CADM1: variants seen among roughly 807,000 people sequenced by gnomAD.
The protein encoded by CADM1 is TSLC-1.
In CADM1, 15 loss-of-function variants were observed where a neutral mutation model predicts 53.1. The ratio of observed to expected loss-of-function variants is 0.28; its 90% CI spans 0.19 to 0.44. The LOEUF (loss-of-function observed/expected upper bound fraction) is 0.44. Ranked by LOEUF, CADM1 falls within the 20% of genes least tolerant of loss-of-function variation. CADM1 has a pLI of 1.00. For missense variants in CADM1, 434 were observed against 611.3 expected, an observed-to-expected ratio of 0.71 and a Z score of 3.06; for synonymous variants, 281 against 243.0, an observed-to-expected ratio of 1.16 and a Z score of -1.45.
rs1313523993 is a variant in CADM1 at position 115,391,198 on chromosome 11, A to C, written c.124+113073T>G. Among the ~76,000 whole-genome samples, 5 of 152,372 alleles carry C rather than the reference A, an allele frequency of 3.3e-5. No homozygotes were observed. In the East Asian group the frequency reaches 9.6e-4, roughly 29 times the overall value. On this transcript the variant is annotated intron_variant, in intron 1 of 11. Transcript: ENST00000331581. ...ATAAAAAAAATGAGTACAATTAGAC[A>C]TACAATTTAAAGAATTCATCAATTT...
chr11:115,209,670 A>T lies in CADM1; in HGVS notation c.995-13T>A. 6.2e-7 allele frequency: 1 copy of T among 1,612,538 alleles called. No individual in the cohort carries two copies. The highest frequency in any genetic ancestry group is 8.5e-7 in the Non-Finnish European group (1 of 1,179,566). On this transcript the variant is annotated splice_polypyrimidine_tract_variant and intron_variant, in intron 7 of 11. Coordinates refer to ENST00000331581, the MANE Select transcript of CADM1 (RefSeq NM_001301043.2). ...GTTGTGGGGGGATCTGGATAGAAAA[A>T]AAAAGGAAAATCAAACCCACAATGC... is the stretch of plus-strand genomic sequence containing the variant.
chr11:115,339,029 A>C (rs4936329), intron 1 of CADM1, among the ~76,000 whole-genome samples: 1 of 125,914 alleles, frequency 7.9e-6, no homozygotes, highest in South Asian at 2.9e-4. Flanking sequence ...ATATCTCCCA[A>C]TGCTATCCCT....
At chr11:115,497,613 G>A (rs949836979) in intron 1 of CADM1, among the ~76,000 whole-genome samples, 1 of 152,184 alleles carries the variant, frequency 6.6e-6, no homozygotes, top group Non-Finnish European at 1.5e-5. Context: ...GCTAGAGCCT[G>A]CAATTTAAAT....
chr11:115,500,325 T>C (rs1193288062), intron 1 of CADM1, among the ~76,000 whole-genome samples: 3 of 152,176 alleles, frequency 2.0e-5, no homozygotes, highest in Non-Finnish European at 1.5e-5. Flanking sequence ...CACAAAATCA[T>C]TTCTAAAATG....
At chr11:115,328,656 C>T (rs374701731) in intron 1 of CADM1, among the ~76,000 whole-genome samples, 5 of 86,904 alleles carry the variant, frequency 5.8e-5, no homozygotes, top group African/African-American at 8.2e-5. Context: ...TATATATATA[C>T]ACACGCACAC....
chr11:115,304,386 G>A lies in CADM1; in HGVS notation c.125-63966C>T, dbSNP rs566054234. ...TTTACATTCCTTGCAGCAGCTCCCCGTTATGAATTAAATCCATCATGGTCT... is the reference window on the plus strand; with the variant it reads ...TTTACATTCCTTGCAGCAGCTCCCCATTATGAATTAAATCCATCATGGTCT... On this transcript the variant is annotated intron_variant, in intron 1 of 11. Coordinates refer to ENST00000331581, the MANE Select transcript of CADM1 (RefSeq NM_001301043.2). 5.9e-5 allele frequency among the ~76,000 whole-genome samples: 9 copies of A among 152,062 alleles called. No homozygotes were observed. In the South Asian group the frequency reaches 6.2e-4, roughly 10 times the overall value.
rs962938580 is a variant in CADM1, at chr11:115,175,837, A to G, written c.*637T>C. Reference sequence around the variant, plus strand: ...AGTCTTCACTGCTCTAAGTATTTGAAACATGGGCAGCAGCAAAGAGTTTTC... The same window carrying G: ...AGTCTTCACTGCTCTAAGTATTTGAGACATGGGCAGCAGCAAAGAGTTTTC... On this transcript the variant is annotated 3_prime_UTR_variant, in exon 12 of 12. Coordinates refer to ENST00000331581, the MANE Select transcript of CADM1 (RefSeq NM_001301043.2). 7.5e-5 allele frequency: 75 copies of G among 995,316 alleles called. No homozygotes were observed. Among genetic ancestry groups the G allele is most frequent in the Non-Finnish European group, 8.9e-5 (74 of 835,964 alleles). The allele number at this position is 995,316 out of a possible 1,614,324, so 61.7% of individuals were successfully genotyped here.
chr11:115,178,763 C>T lies in CADM1; in HGVS notation c.1178G>A (p.Gly393Asp), dbSNP rs138940776. 8 of 1,613,946 alleles carry T rather than the reference C, an allele frequency of 5.0e-6. No homozygotes were observed. Among genetic ancestry groups the T allele is most frequent in the Non-Finnish European group, 6.8e-6 (8 of 1,180,018 alleles). Reference sequence around the variant, plus strand: ...CACTGCCCTGATCGAGCCTTCTTCACCTGCTCGGGAATCTGTTAAAATCAG... The same window carrying T: ...CACTGCCCTGATCGAGCCTTCTTCATCTGCTCGGGAATCTGTTAAAATCAG... ...DSEDLSDSRA[G>D]EEGSIRAVDH... Residue 393 changes from glycine (G) to aspartate (D), a missense_variant, in exon 11 of 12, where the codon GGT becomes GAT. This residue lies in a region of CADM1 where 311 missense variants were observed against 435.1 expected (regional missense o/e 0.71). Transcript: ENST00000331581.
intron 1 of CADM1, among the ~76,000 whole-genome samples, chr11:115,243,180 A>G (rs549040062): frequency 9.1e-4 from 138 of 152,202 alleles, no homozygotes; most frequent in Non-Finnish European, 1.5e-3. Context: ...TCCATCTGCA[A>G]ATGTTTGCCC....
At chr11:115,460,399 T>C (rs545703980) in intron 1 of CADM1, among the ~76,000 whole-genome samples, 67 of 152,228 alleles carry the variant, frequency 4.4e-4, no homozygotes, top group African/African-American at 1.6e-3. Flanking sequence ...CCCAAAACAA[T>C]ACAACTCAAC....
intron 7 of CADM1, among the ~76,000 whole-genome samples, chr11:115,213,920 C>G (rs1327462759): frequency 6.6e-6 from 1 of 151,992 alleles, no homozygotes; most frequent in Non-Finnish European, 1.5e-5. Context: ...AAATATTCAC[C>G]ATGTGCAAAA....
At chr11:115,453,092 C>G (rs1452490668) in intron 1 of CADM1, among the ~76,000 whole-genome samples, 1 of 152,054 alleles carries the variant, frequency 6.6e-6, no homozygotes, top group Admixed American at 6.6e-5. Context: ...AAAGGAAGCA[C>G]TCGACCAGGT....
intron 1 of CADM1, among the ~76,000 whole-genome samples, chr11:115,252,613 C>T (rs112665527): frequency 2.0e-5 from 3 of 152,262 alleles, no homozygotes; most frequent in African/African-American, 4.8e-5. Context: ...AAAAACATGA[C>T]TTATCGTCTG....
At chr11:115,406,579 C>A (rs894641163) in intron 1 of CADM1, among the ~76,000 whole-genome samples, 3 of 146,248 alleles carry the variant, frequency 2.1e-5, no homozygotes, top group African/African-American at 7.5e-5. Context: ...TATTATATAC[C>A]TTATTATAAT....
At chr11:115,418,051 A>C (rs988185969) in intron 1 of CADM1, among the ~76,000 whole-genome samples, 1 of 152,194 alleles carries the variant, frequency 6.6e-6, no homozygotes, top group Admixed American at 6.5e-5. Flanking sequence ...AAAATAATTC[A>C]ACTTGACGTG....
chr11:115,371,238 TG>T (rs1051722762), intron 1 of CADM1, among the ~76,000 whole-genome samples: 1 of 152,162 alleles, frequency 6.6e-6, no homozygotes, highest in African/African-American at 2.4e-5. Flanking sequence ...TAATGTATTG[TG>T]GGGTTTATAG....
At chr11:115,319,355 T>C (rs943614024) in intron 1 of CADM1, among the ~76,000 whole-genome samples, 16 of 151,976 alleles carry the variant, frequency 1.1e-4, no homozygotes, top group Non-Finnish European at 1.2e-4. Flanking sequence ...TGACCATCAG[T>C]AAAAAAGTCA....
intron 1 of CADM1, among the ~76,000 whole-genome samples, chr11:115,345,629 A>T (rs2135255747): frequency 6.6e-6 from 1 of 152,302 alleles, no homozygotes; most frequent in South Asian, 2.1e-4. Context: ...AGCTGTCTTT[A>T]ATCTTTAGCT....
chr11:115,313,441 T>G (rs1331996036), intron 1 of CADM1, among the ~76,000 whole-genome samples: 1 of 152,098 alleles, frequency 6.6e-6, no homozygotes, highest in Non-Finnish European at 1.5e-5. Context: ...GTTAGTACAA[T>G]TTATAAATAG....
Sources: allele counts gnomAD v4.1 joint callset (sites outside exome capture counted in the v4.1 genomes callset), GRCh38; gene constraint gnomAD v4.1.1; regional missense constraint gnomAD v4.1.1; transcripts MANE v1.5; gene names NCBI Gene and HGNC (gene_info 2026-07-23, HGNC 2026-07-21).